Variants in RAD51B observed in about 807,000 individuals in gnomAD.
RAD51B encodes the protein DNA repair protein RAD51 homolog 2.
A neutral mutation model predicts 42.2 loss-of-function variants in RAD51B; 38 were observed. That is an observed-to-expected ratio of 0.90 (90% CI 0.70 to 1.18). RAD51B has a LOEUF of 1.18. Ranked by LOEUF, RAD51B falls within the 50% of genes most tolerant of loss-of-function variation. RAD51B has a pLI of 0.00. For synonymous variants in RAD51B, 154 were observed against 145.2 expected (o/e 1.06, Z -0.43); for missense variants, 373 against 400.7 (o/e 0.93, Z 0.59).
At chr14:67,930,565 T>A (rs1209105743) in intron 7 of RAD51B, among the ~76,000 whole-genome samples, 1 of 152,230 alleles carries the variant, frequency 6.6e-6, no homozygotes, top group Non-Finnish European at 1.5e-5. Flanking sequence ...AAGTCTCCTG[T>A]TGATGTAGGC....
intron 7 of RAD51B, among the ~76,000 whole-genome samples, chr14:68,233,070 A>G (rs996683374): frequency 3.9e-5 from 6 of 152,208 alleles, no homozygotes; most frequent in African/African-American, 1.2e-4. Flanking sequence ...TGTTTGAAGC[A>G]GAATATTTTT....
At chr14:67,857,837 A>T (rs2042046059) in intron 4 of RAD51B, 1 of 152,930 alleles carries the variant, frequency 6.5e-6, no homozygotes, top group African/African-American at 2.4e-5. Context: ...TGAGTGCGGG[A>T]TCTGGCTGGC....
chr14:68,384,354 G>A (rs1468810796), intron 8 of RAD51B, among the ~76,000 whole-genome samples: 1 of 152,158 alleles, frequency 6.6e-6, no homozygotes, highest in Non-Finnish European at 1.5e-5. Flanking sequence ...AAAAGTACAA[G>A]GCAGGATTTC....
At chr14:68,375,372 T>C (rs1005387848) in intron 8 of RAD51B, among the ~76,000 whole-genome samples, 2 of 152,176 alleles carry the variant, frequency 1.3e-5, no homozygotes, top group Non-Finnish European at 1.5e-5. Context: ...AAGGCTTGAG[T>C]CTAGTAAACA....
chr14:68,106,079 T>C, intron 7 of RAD51B, among the ~76,000 whole-genome samples: 1 of 151,964 alleles, frequency 6.6e-6, no homozygotes, highest in Admixed American at 6.6e-5. Flanking sequence ...AAGTGGTCAG[T>C]TGAAACAGCA....
At chr14:68,365,034 G>C (rs2083112972) in intron 8 of RAD51B, among the ~76,000 whole-genome samples, 1 of 152,116 alleles carries the variant, frequency 6.6e-6, no homozygotes, top group East Asian at 1.9e-4. Context: ...AGGTTAGCGT[G>C]GCAGGAATGT....
chr14:68,289,115 G>A (rs984718303), intron 7 of RAD51B, among the ~76,000 whole-genome samples: 4 of 152,120 alleles, frequency 2.6e-5, no homozygotes, highest in African/African-American at 9.7e-5. Context: ...ATAGAAAATT[G>A]TGATTTAGTG....
At chr14:68,187,782 A>G (rs1004223611) in intron 7 of RAD51B, among the ~76,000 whole-genome samples, 2 of 152,040 alleles carry the variant, frequency 1.3e-5, no homozygotes, top group African/African-American at 4.8e-5. Flanking sequence ...TTTTCTCTTA[A>G]TACATTTTGG....
intron 7 of RAD51B, among the ~76,000 whole-genome samples, chr14:68,063,843 G>A (rs142561952): frequency 1.1e-3 from 165 of 152,266 alleles, no homozygotes; most frequent in African/African-American, 3.8e-3. Context: ...CTTTTAGATG[G>A]GGAATTTAAT....
intron 7 of RAD51B, among the ~76,000 whole-genome samples, chr14:67,921,456 A>G (rs573816255): frequency 2.6e-5 from 4 of 152,132 alleles, no homozygotes; most frequent in Non-Finnish European, 5.9e-5. Flanking sequence ...GGTATAAGCA[A>G]ATATTTTTCC....
chr14:68,301,248 GAC>G (rs2081727946), intron 8 of RAD51B, among the ~76,000 whole-genome samples: 1 of 151,826 alleles, frequency 6.6e-6, no homozygotes, highest in Admixed American at 6.6e-5. Context: ...GGTTTAAGGA[GAC>G]AAATGTTTTT....
At chr14:68,148,632 C>T (rs1337698713) in intron 7 of RAD51B, among the ~76,000 whole-genome samples, 1 of 152,248 alleles carries the variant, frequency 6.6e-6, no homozygotes, top group East Asian at 1.9e-4. Flanking sequence ...TGATCTTTTC[C>T]TGGGCTAGTG....
chr14:67,980,743 T>C (rs2075076644), intron 7 of RAD51B, among the ~76,000 whole-genome samples: 1 of 152,078 alleles, frequency 6.6e-6, no homozygotes, highest in Non-Finnish European at 1.5e-5. Context: ...TCAAAACAGA[T>C]CATAGACTAA....
At chr14:68,595,516 G>A in exon 11 of RAD51B, 1 of 1,066,700 alleles carries the variant, frequency 9.4e-7, no homozygotes, top group South Asian at 4.5e-5. Flanking sequence ...TTTGGAGCAA[G>A]GGTTGTGAAG....
chr14:68,178,833 C>T (rs777280012), intron 7 of RAD51B, among the ~76,000 whole-genome samples: 1 of 152,050 alleles, frequency 6.6e-6, no homozygotes, highest in Admixed American at 6.6e-5. Flanking sequence ...CTGTGACATG[C>T]GTAAACAGAT....
chr14:68,531,077 A>G (rs1887272659), intron 10 of RAD51B, among the ~76,000 whole-genome samples: 1 of 152,022 alleles, frequency 6.6e-6, no homozygotes, highest in African/African-American at 2.4e-5. Flanking sequence ...ATAGAAAAGA[A>G]CATCAATCTA....
At chr14:68,315,195 G>A (rs1206395003) in intron 8 of RAD51B, among the ~76,000 whole-genome samples, 1 of 152,214 alleles carries the variant, frequency 6.6e-6, no homozygotes, top group Non-Finnish European at 1.5e-5. Flanking sequence ...TCTACCATGT[G>A]ATTTGAAGTA....
At chr14:68,134,127 A>T (rs1216569287) in intron 7 of RAD51B, among the ~76,000 whole-genome samples, 1 of 152,132 alleles carries the variant, frequency 6.6e-6, no homozygotes, top group African/African-American at 2.4e-5. Context: ...CATATTCCCT[A>T]ACCTCTGGTA....
chr14:68,479,688 T>TTTTTTTG (rs34627518), downstream of RAD51B, among the ~76,000 whole-genome samples: 3 of 137,076 alleles, frequency 2.2e-5, no homozygotes, highest in Middle Eastern at 3.7e-3. Context: ...TTTTTTTTTT[T>TTTTTTTG]GCCAGAGTCT....
Sources: gnomAD v4.1 joint callset for allele counts (sites outside exome capture counted in the v4.1 genomes callset) on GRCh38, gnomAD v4.1.1 for gene constraint, MANE v1.5 for transcripts, NCBI Gene and HGNC (gene_info 2026-07-23, HGNC 2026-07-21) for gene names.